Variants in PRKCA observed in about 807,000 individuals in gnomAD.
PRKCA encodes protein kinase C alpha type.
A neutral mutation model predicts 87.0 loss-of-function variants in PRKCA; 27 were observed. The observed-to-expected ratio is 0.31, with a 90% confidence interval of 0.23 to 0.43. PRKCA has a LOEUF of 0.43. PRKCA is among the 20% of genes least tolerant of loss of function. The pLI, the probability that PRKCA is intolerant of heterozygous loss-of-function variation, is 1.00. For synonymous variants in PRKCA, 329 were observed against 311.1 expected (o/e 1.06, Z -0.61); for missense variants, 518 against 852.3 (o/e 0.61, Z 4.88).
chr17:66,671,072 G>A (rs1297268340), intron 5 of PRKCA, among the ~76,000 whole-genome samples: 2 of 151,424 alleles, frequency 1.3e-5, no homozygotes, highest in African/African-American at 2.4e-5. Flanking sequence ...TTAGCCTGGT[G>A]TGGTGGTGTG....
rs556260181 is a variant in PRKCA at position 66,587,618 on chromosome 17, A to G, written c.289-53737A>G. 5.2e-4 allele frequency among the ~76,000 whole-genome samples: 77 copies of G among 148,500 alleles called. 1 individual carries two copies. The South Asian group carries it at 6.7e-3, about 13-fold the overall frequency. On this transcript the variant is annotated intron_variant, in intron 3 of 16. Transcript: ENST00000413366. ...ATAGATAGATAGATTGATTGATTAG[A>G]TAGATATAGATATATAGATATATAT...
chr17:66,415,848 C>G (rs1912113904), intron 2 of PRKCA: 1 of 152,120 alleles, frequency 6.6e-6, no homozygotes, highest in African/African-American at 2.4e-5. Context: ...ATGAATCCGT[C>G]CATATAAAAT....
chr17:66,670,270 G>A (rs1972143481), intron 5 of PRKCA, among the ~76,000 whole-genome samples: 1 of 152,178 alleles, frequency 6.6e-6, no homozygotes, highest in South Asian at 2.1e-4. Context: ...TAAGCAGTAA[G>A]CACTAAAATC....
intron 2 of PRKCA, among the ~76,000 whole-genome samples, chr17:66,316,921 T>A (rs991412442): frequency 6.6e-6 from 1 of 152,102 alleles, no homozygotes; most frequent in Admixed American, 6.6e-5. Flanking sequence ...GGCAGGCAGA[T>A]CATGAGGTCA....
chr17:66,314,310 A>G (rs2046790085), intron 2 of PRKCA, among the ~76,000 whole-genome samples: 1 of 152,198 alleles, frequency 6.6e-6, no homozygotes, highest in African/African-American at 2.4e-5. Context: ...TTTCCACCCA[A>G]ACTGTGAAAT....
At chr17:66,467,637 A>G (rs1282316419) in intron 2 of PRKCA, among the ~76,000 whole-genome samples, 1 of 152,176 alleles carries the variant, frequency 6.6e-6, no homozygotes, top group East Asian at 1.9e-4. Flanking sequence ...GGCTCACCAC[A>G]GCCTCAAACT....
intron 8 of PRKCA, among the ~76,000 whole-genome samples, chr17:66,714,734 G>A (rs1973431047): frequency 6.6e-6 from 1 of 152,164 alleles, no homozygotes; most frequent in Admixed American, 6.5e-5. Flanking sequence ...GAAGAAACAG[G>A]CCTCAGAGAA....
chr17:66,737,148 C>T (rs542914745), intron 10 of PRKCA, among the ~76,000 whole-genome samples: 5 of 148,884 alleles, frequency 3.4e-5, no homozygotes, highest in African/African-American at 5.0e-5. Flanking sequence ...ATCAGGAGAT[C>T]GAGACCATCC....
intron 3 of PRKCA, among the ~76,000 whole-genome samples, chr17:66,500,052 G>A (rs1161088094): frequency 6.6e-6 from 1 of 152,128 alleles, no homozygotes; most frequent in African/African-American, 2.4e-5. Context: ...TTCCTGAATG[G>A]GACCAGCTCC....
intron 2 of PRKCA, among the ~76,000 whole-genome samples, chr17:66,323,047 T>C (rs1393220396): frequency 1.3e-5 from 2 of 152,214 alleles, no homozygotes; most frequent in Admixed American, 6.5e-5. Flanking sequence ...ATAAAACTTA[T>C]CCTTAGGCAC....
chr17:66,684,036 C>T (rs1013248074), intron 5 of PRKCA, among the ~76,000 whole-genome samples: 2 of 152,136 alleles, frequency 1.3e-5, no homozygotes, highest in Admixed American at 6.6e-5. Flanking sequence ...TGAGTAATGC[C>T]CCCTAGCATT....
At chr17:66,721,395 C>CAA (rs55795871) in intron 8 of PRKCA, among the ~76,000 whole-genome samples, 3 of 98,228 alleles carry the variant, frequency 3.1e-5, no homozygotes, top group Non-Finnish European at 4.4e-5. Context: ...GATTCCGTCT[C>CAA]AAAAAAAAAA....
At chr17:66,576,895 G>A (rs577490074) in intron 3 of PRKCA, among the ~76,000 whole-genome samples, 70 of 134,872 alleles carry the variant, frequency 5.2e-4, no homozygotes, top group African/African-American at 2.1e-3. Flanking sequence ...TTTTTTTTGA[G>A]ACAGGGTCTT....
intron 8 of PRKCA, among the ~76,000 whole-genome samples, chr17:66,716,360 G>A (rs192083268): frequency 3.9e-5 from 6 of 152,274 alleles, no homozygotes; most frequent in Admixed American, 2.6e-4. Flanking sequence ...AGTGCCCAAA[G>A]TTCTCGAACA....
intron 2 of PRKCA, among the ~76,000 whole-genome samples, chr17:66,478,366 T>A (rs1567849478): frequency 6.6e-6 from 1 of 152,200 alleles, no homozygotes; most frequent in Non-Finnish European, 1.5e-5. Flanking sequence ...GTGATTCTCC[T>A]GCCTCAGCCT....
chr17:66,333,438 A>G (rs149435646), intron 2 of PRKCA, among the ~76,000 whole-genome samples: 299 of 152,314 alleles, frequency 2.0e-3, no homozygotes, highest in African/African-American at 6.9e-3. Flanking sequence ...AATTTGAATA[A>G]TGGGACTTTA....
At chr17:66,712,807 AAAATG>A (rs1394042229) in intron 8 of PRKCA, among the ~76,000 whole-genome samples, 9 of 152,310 alleles carry the variant, frequency 5.9e-5, no homozygotes, top group Non-Finnish European at 1.0e-4. Context: ...CTCCAAGTCT[AAAATG>A]GAAATGGTAA....
intron 3 of PRKCA, among the ~76,000 whole-genome samples, chr17:66,631,077 T>C (rs543723517): frequency 1.1e-4 from 16 of 152,306 alleles, no homozygotes; most frequent in African/African-American, 3.4e-4. Context: ...TTTTTTCCTC[T>C]GCTGTGAGAT....
chr17:66,759,523 G>A (rs1236716843), intron 13 of PRKCA, among the ~76,000 whole-genome samples: 24 of 140,666 alleles, frequency 1.7e-4, no homozygotes, highest in Admixed American at 5.6e-4. Flanking sequence ...AAAAGAGTGG[G>A]AGACAAAAAA....
Sources: allele counts gnomAD v4.1 joint callset (sites outside exome capture counted in the v4.1 genomes callset), GRCh38; gene constraint gnomAD v4.1.1; transcripts MANE v1.5; gene names NCBI Gene and HGNC (gene_info 2026-07-23, HGNC 2026-07-21).